RABGAP1L: variants seen among roughly 807,000 people sequenced by gnomAD.
RABGAP1L encodes the protein rab GTPase-activating protein 1-like.
In RABGAP1L, 63 loss-of-function variants were observed where a neutral mutation model predicts 137.7. That is an observed-to-expected ratio of 0.46 (90% CI 0.37 to 0.56). RABGAP1L has a LOEUF of 0.56. Ranked by LOEUF, RABGAP1L falls within the 20% of genes least tolerant of loss-of-function variation. RABGAP1L has a pLI of 0.00. For synonymous variants in RABGAP1L, 431 were observed against 433.7 expected (o/e 0.99, Z 0.08); for missense variants, 1,095 against 1,244.0 (o/e 0.88, Z 1.80).
chr1:174,181,408 G>T (rs1666352569), intron 1 of RABGAP1L, among the ~76,000 whole-genome samples: 1 of 151,234 alleles, frequency 6.6e-6, no homozygotes, highest in African/African-American at 2.4e-5. Flanking sequence ...CGTGATCTCG[G>T]CCCACTGCAA....
rs140858298 is a variant in RABGAP1L, at chr1:174,534,762, G to A, written c.1711-102613G>A. On this transcript the variant is annotated intron_variant, in intron 13 of 25. Coordinates refer to ENST00000681986, the MANE Select transcript of RABGAP1L (RefSeq NM_001366446.1). ...TGCACTCCAGCTTGGATGACAGAGCGAAACTCTGTCTCCAAAAAAAAAAAA... is the reference window on the plus strand; with the variant it reads ...TGCACTCCAGCTTGGATGACAGAGCAAAACTCTGTCTCCAAAAAAAAAAAA... Among the ~76,000 whole-genome samples, 50 of 90,084 alleles carry A rather than the reference G, an allele frequency of 5.6e-4. 1 individual carries two copies. The East Asian group carries it at 6.9e-3, about 12-fold the overall frequency. 59.1% of individuals were successfully genotyped at this position (90,084 alleles called of 152,430 possible). A position where few individuals can be genotyped will look rare whatever the true frequency, so the allele number is the denominator to read the frequency against.
intron 13 of RABGAP1L, among the ~76,000 whole-genome samples, chr1:174,469,735 A>G (rs1342038580): frequency 6.6e-6 from 1 of 152,176 alleles, no homozygotes; most frequent in Non-Finnish European, 1.5e-5. Context: ...AAGGTGCATT[A>G]TTTCCAAAAG....
intron 1 of RABGAP1L, among the ~76,000 whole-genome samples, chr1:174,209,367 G>A (rs1408636342): frequency 6.6e-6 from 1 of 152,104 alleles, no homozygotes; most frequent in African/African-American, 2.4e-5. Flanking sequence ...GGAGCCCTCT[G>A]CCCTGAGGAA....
chr1:174,622,911 G>T (rs892706471), intron 13 of RABGAP1L, among the ~76,000 whole-genome samples: 1 of 152,112 alleles, frequency 6.6e-6, no homozygotes, highest in Admixed American at 6.5e-5. Flanking sequence ...TTTTTGAAAT[G>T]AATTAGCGAC....
At chr1:174,495,282 A>G (rs918327663) in intron 13 of RABGAP1L, among the ~76,000 whole-genome samples, 3 of 152,172 alleles carry the variant, frequency 2.0e-5, no homozygotes, top group Admixed American at 6.5e-5. Context: ...CTTAGTTTCT[A>G]TGGGGATGTG....
intron 13 of RABGAP1L, among the ~76,000 whole-genome samples, chr1:174,562,166 A>G (rs139633822): frequency 6.6e-6 from 1 of 152,202 alleles, no homozygotes; most frequent in Non-Finnish European, 1.5e-5. Flanking sequence ...CAAGAAACAA[A>G]CAATCCCATC....
At chr1:174,453,574 A>G (rs903288718) in intron 13 of RABGAP1L, among the ~76,000 whole-genome samples, 12 of 152,122 alleles carry the variant, frequency 7.9e-5, no homozygotes, top group African/African-American at 2.9e-4. Context: ...GGTGCATAGG[A>G]GCATGTATGT....
intron 13 of RABGAP1L, among the ~76,000 whole-genome samples, chr1:174,439,436 A>C (rs959894832): frequency 1.3e-5 from 2 of 152,230 alleles, no homozygotes; most frequent in Non-Finnish European, 2.9e-5. Flanking sequence ...AGTTGCTTTA[A>C]TACTACAGTT....
intron 14 of RABGAP1L, among the ~76,000 whole-genome samples, chr1:174,662,103 T>TTC (rs1553228888): frequency 1.9e-5 from 1 of 52,444 alleles, no homozygotes; most frequent in Non-Finnish European, 3.2e-5. Context: ...TTTTCTTTTC[T>TTC]TTTTTTTTTT....
At chr1:174,222,476 C>T in intron 3 of RABGAP1L, among the ~76,000 whole-genome samples, 1 of 152,212 alleles carries the variant, frequency 6.6e-6, no homozygotes, top group African/African-American at 2.4e-5. Context: ...TGTGGTTTAC[C>T]ACATAAAGTG....
intron 13 of RABGAP1L, among the ~76,000 whole-genome samples, chr1:174,528,732 C>G (rs1214402369): frequency 2.6e-5 from 4 of 151,780 alleles, no homozygotes; most frequent in African/African-American, 9.7e-5. Flanking sequence ...TGAGAGTCTC[C>G]TGTATCTGGA....
rs147973687 is a variant in RABGAP1L at position 174,720,845 on chromosome 1, G to A, written c.2169+18589G>A. Among the ~76,000 whole-genome samples, 677 of 152,264 alleles carry A rather than the reference G, an allele frequency of 4.4e-3. 1 individual carries two copies. Among genetic ancestry groups the A allele is most frequent in the Non-Finnish European group, 7.0e-3 (476 of 68,022 alleles). On this transcript the variant is annotated intron_variant, in intron 17 of 25. Transcript: ENST00000681986. ...GTTCAGGAATTAGGTAGTGATGATG[G>A]TTGTACAGCCTTGCAAATATACTAA...
intron 13 of RABGAP1L, among the ~76,000 whole-genome samples, chr1:174,500,205 G>T (rs1194638518): frequency 6.6e-6 from 1 of 151,772 alleles, no homozygotes; most frequent in Non-Finnish European, 1.5e-5. Flanking sequence ...TCAGCTTTCA[G>T]AGTAGCTGAG....
intron 18 of RABGAP1L, among the ~76,000 whole-genome samples, chr1:174,788,718 A>G (rs1303140972): frequency 3.3e-5 from 5 of 151,980 alleles, no homozygotes; most frequent in Non-Finnish European, 5.9e-5. Context: ...AAATGTACCT[A>G]TTGGACACAT....
chr1:174,391,579 C>T (rs1322804980), intron 12 of RABGAP1L, among the ~76,000 whole-genome samples: 1 of 152,098 alleles, frequency 6.6e-6, no homozygotes, highest in African/African-American at 2.4e-5. Flanking sequence ...TGGGCTCAAA[C>T]GATCCGCCTG....
At chr1:174,564,324 A>G (rs1667424952) in intron 13 of RABGAP1L, among the ~76,000 whole-genome samples, 2 of 152,118 alleles carry the variant, frequency 1.3e-5, no homozygotes, top group South Asian at 4.1e-4. Flanking sequence ...ATTATGATTG[A>G]TCAGCTTGCA....
At chr1:174,810,077 A>G (rs928510391) in intron 18 of RABGAP1L, among the ~76,000 whole-genome samples, 2 of 152,154 alleles carry the variant, frequency 1.3e-5, no homozygotes, top group East Asian at 3.9e-4. Context: ...CCTTTGTGAA[A>G]CTGCCTGGTA....
At chr1:174,398,441 G>A (rs978734129) in intron 13 of RABGAP1L, among the ~76,000 whole-genome samples, 2 of 151,984 alleles carry the variant, frequency 1.3e-5, no homozygotes, top group Non-Finnish European at 2.9e-5. Flanking sequence ...ACTATCTGGG[G>A]GCTTACCATG....
chr1:174,347,632 A>G (rs1008079690), intron 11 of RABGAP1L, among the ~76,000 whole-genome samples: 3 of 152,032 alleles, frequency 2.0e-5, no homozygotes, highest in African/African-American at 7.3e-5. Flanking sequence ...AGCTGGGACT[A>G]CAGGCACCCG....
Sources: gnomAD v4.1 joint callset for allele counts (sites outside exome capture counted in the v4.1 genomes callset) on GRCh38, gnomAD v4.1.1 for gene constraint, MANE v1.5 for transcripts, NCBI Gene and HGNC (gene_info 2026-07-23, HGNC 2026-07-21) for gene names.